The following TMC5 variants were observed in gnomAD, a reference collection of about 807,000 sequenced individuals.
The protein encoded by TMC5 is transmembrane channel like 5.
A neutral mutation model predicts 110.5 loss-of-function variants in TMC5; 86 were observed. The ratio of observed to expected loss-of-function variants is 0.78; its 90% CI spans 0.65 to 0.93. The LOEUF (loss-of-function observed/expected upper bound fraction) is 0.93. TMC5 is among the 40% of genes least tolerant of loss of function. The probability of loss-of-function intolerance (pLI) is 0.00; values close to 1 mark genes in which losing one functional copy is unlikely to be tolerated. For missense variants in TMC5, 1,144 were observed against 1,222.8 expected (o/e 0.94, Z 0.96); for synonymous variants, 455 against 439.5 (o/e 1.04, Z -0.44).
intron 15 of TMC5, among the ~76,000 whole-genome samples, chr16:19,485,943 GGAA>G (rs776432356): frequency 2.6e-5 from 4 of 152,188 alleles, no homozygotes; most frequent in Admixed American, 6.5e-5. Context: ...CCATGGGGGA[GGAA>G]GAAGGAGAGG....
chr16:19,471,411 G>A (rs1483518258), intron 10 of TMC5, among the ~76,000 whole-genome samples: 2 of 152,168 alleles, frequency 1.3e-5, no homozygotes, highest in Non-Finnish European at 2.9e-5. Context: ...GCTTCAACAA[G>A]AGGGTTGCAG....
At position 19,440,088 on chromosome 16, in the gene TMC5, C is replaced by T. The variant is rs1967446092; in HGVS notation, c.50C>T (p.Pro17Leu). The change falls in exon 3 of 22, where the codon CCT (proline) becomes CTT (leucine). Residue 17 changes from proline (P) to leucine (L), a missense_variant. Coordinates refer to ENST00000542583, the MANE Select transcript of TMC5 (RefSeq NM_001261841.2). ...NNWSEEDPDYPDYSGSQNRTQ... is the reference protein window; with the variant it reads ...NNWSEEDPDYLDYSGSQNRTQ... The stretch of plus-strand genomic sequence containing the variant: ...TGGTCTGAGGAAGACCCAGATTACC[C>T]TGACTATTCAGGGTCTCAGAACCGT... 1.2e-6 allele frequency: 2 copies of T among 1,614,098 alleles called. No individual in the cohort carries two copies. Among genetic ancestry groups the T allele is most frequent in the Non-Finnish European group, 1.7e-6 (2 of 1,180,016 alleles).
In TMC5 at chr16:19,498,174, C is replaced by A; in HGVS notation, c.*208C>A. ...TACCTGGATTGCTGATTTTTCAAGA[C>A]AAAATACTTGGGGTTTTCCAATAAA... On this transcript the variant is annotated 3_prime_UTR_variant, in exon 22 of 22. Coordinates refer to ENST00000542583, the MANE Select transcript of TMC5 (RefSeq NM_001261841.2). 3.5e-6 allele frequency: 2 copies of A among 563,652 alleles called. No homozygotes were observed. The highest frequency in any genetic ancestry group is 4.3e-5 in the South Asian group (2 of 46,570). 34.9% of individuals were successfully genotyped at this position (563,652 alleles called of 1,614,324 possible).
At chr16:19,481,261 C>A in intron 14 of TMC5, 109 bp from the exon 15 acceptor site, 1 of 810,388 alleles carries the variant, frequency 1.2e-6, no homozygotes, top group Non-Finnish European at 2.1e-6. Flanking sequence ...GAACTTACGA[C>A]TTTATTTCAA....
At chr16:19,419,880 A>G (rs1036354541) in intron 1 of TMC5, among the ~76,000 whole-genome samples, 8 of 152,180 alleles carry the variant, frequency 5.3e-5, no homozygotes, top group African/African-American at 1.9e-4. Flanking sequence ...AGGTGACGCT[A>G]TTATTGCTCA....
At chr16:19,459,917 CAAAAAAA>C (rs34853313) in intron 5 of TMC5, among the ~76,000 whole-genome samples, 35 of 95,676 alleles carry the variant, frequency 3.7e-4, no homozygotes, top group South Asian at 1.6e-3. Flanking sequence ...GATCCTGTCT[CAAAAAAA>C]AAAAAAAAAA....
intron 21 of TMC5, 115 bp downstream of exon 21, chr16:19,497,278 C>A (rs1969081040): frequency 1.3e-5 from 14 of 1,119,114 alleles, no homozygotes; most frequent in Non-Finnish European, 1.7e-5. Flanking sequence ...AAATTGGATC[C>A]AAACTGGCTT....
chr16:19,488,364 C>T (rs1174810095), intron 17 of TMC5, among the ~76,000 whole-genome samples: 2 of 152,214 alleles, frequency 1.3e-5, no homozygotes, highest in East Asian at 1.9e-4. Context: ...AGCTTTCTCA[C>T]TTCTGCCAAG....
intron 4 of TMC5, among the ~76,000 whole-genome samples, chr16:19,445,590 G>A (rs1003826047): frequency 4.0e-5 from 6 of 151,842 alleles, no homozygotes; most frequent in Admixed American, 2.6e-4. Flanking sequence ...CCAGGAAGCC[G>A]TTTGATGGCA....
intron 19 of TMC5, among the ~76,000 whole-genome samples, chr16:19,492,951 AC>A (rs1302529234): frequency 1.7e-5 from 1 of 59,006 alleles, no homozygotes; most frequent in Non-Finnish European, 4.5e-5. Context: ...TAAGATAAAT[AC>A]TTTTATTTCA....
intron 4 of TMC5, among the ~76,000 whole-genome samples, chr16:19,445,122 C>G (rs573128078): frequency 3.9e-4 from 59 of 152,164 alleles, no homozygotes; most frequent in African/African-American, 1.4e-3. Flanking sequence ...GAGCGAGACT[C>G]TGTTAAAAAC....
Position 19,434,501 on chromosome 16 carries a change from G to GATAT in TMC5, c.-80+3862_-80+3863insTATA, listed in dbSNP as rs1160899052. Among the ~76,000 whole-genome samples, 19 of 93,324 alleles carry GATAT rather than the reference G, an allele frequency of 2.0e-4. 2 individuals carry two copies. The highest frequency in any genetic ancestry group is 8.7e-4 in the South Asian group (2 of 2,300). The allele number at this position is 93,324 out of a possible 152,430, so 61.2% of individuals were successfully genotyped here. On this transcript the variant is annotated intron_variant, in intron 2 of 21. Transcript: ENST00000542583. The stretch of plus-strand genomic sequence containing the variant: ...ATAGATAGATAGATAGATATAGAGA[G>GATAT]AGAGAGAGATGGGGGTCTTGCTATG...
chr16:19,489,359 G>T (rs921128271), intron 17 of TMC5, among the ~76,000 whole-genome samples: 1 of 151,836 alleles, frequency 6.6e-6, no homozygotes, highest in African/African-American at 2.4e-5. Flanking sequence ...TTTTGAGACA[G>T]AGTCTCACTC....
chr16:19,469,926 A>G (rs1467067354), intron 10 of TMC5, 101 bp downstream of exon 10: 9 of 1,324,162 alleles, frequency 6.8e-6, no homozygotes, highest in African/African-American at 1.5e-5. Flanking sequence ...TTGGAGTCTC[A>G]CTCTGTCGCC....
At chr16:19,432,034 G>T (rs1277173373) in intron 2 of TMC5, among the ~76,000 whole-genome samples, 3 of 152,162 alleles carry the variant, frequency 2.0e-5, no homozygotes, top group Non-Finnish European at 1.5e-5. Context: ...CATTTTGGTG[G>T]TGCAGAACAG....
chr16:19,455,407 A>C (rs6497374), intron 5 of TMC5, among the ~76,000 whole-genome samples: 122,244 of 152,024 alleles, frequency 0.8, 49,363 homozygotes, highest in South Asian at 0.91. Flanking sequence ...GGCAACAGAG[A>C]GAGACTCTGT....
rs1969098796 is a variant in TMC5 at position 19,497,945 on chromosome 16, A to G, written c.3000A>G (p.Gln1000=). The change falls in exon 22 of 22, where the codon CAA becomes CAG. Residue 1000 remains glutamine, a synonymous_variant. Coordinates refer to ENST00000542583, the MANE Select transcript of TMC5 (RefSeq NM_001261841.2). The part of the protein sequence containing the change: ...SLDLRSRRSV[Q]EGNPRA ...ACTTGCGATCTAGAAGATCAGTTCA[A>G]GAAGGTAATCCAAGGGCCTGATGAC... is the stretch of plus-strand genomic sequence containing the variant. The G allele has an allele frequency of 6.2e-7, 1 of 1,614,160 alleles. No individual in the cohort carries two copies. Among genetic ancestry groups the G allele is most frequent in the Non-Finnish European group, 8.5e-7 (1 of 1,180,010 alleles).
rs113902256 is a variant in TMC5, at chr16:19,420,271, A to C, written c.-308+2179A>C. Among the ~76,000 whole-genome samples, 906 of 151,838 alleles carry C rather than the reference A, an allele frequency of 6.0e-3. 10 individuals are homozygous for C. Among genetic ancestry groups the C allele is most frequent in the African/African-American group, 0.017 (686 of 41,416 alleles). ...GAAACCCTGTCTCTACTAAAACACA[A>C]AAAAAAATTAGCCAGGCATGGTGGC... On this transcript the variant is annotated intron_variant, in intron 1 of 21. Transcript: ENST00000542583.
intron 14 of TMC5, 116 bp from the exon 15 acceptor site, chr16:19,481,254 C>T: frequency 2.6e-6 from 2 of 765,160 alleles, no homozygotes; most frequent in South Asian, 3.2e-5. Context: ...TTCAAGGGAA[C>T]TTACGACTTT....
Sources: allele counts gnomAD v4.1 joint callset (sites outside exome capture counted in the v4.1 genomes callset), GRCh38; gene constraint gnomAD v4.1.1; transcripts MANE v1.5; gene names NCBI Gene and HGNC (gene_info 2026-07-23, HGNC 2026-07-21).